The following IGSF21 variants were observed in gnomAD, a reference collection of about 807,000 sequenced individuals.
The protein encoded by IGSF21 is immunoglobin superfamily member 21.
IGSF21 carries 28 observed loss-of-function variants against 46.8 expected under a neutral mutation model. The observed-to-expected ratio is 0.60, with a 90% CI of 0.44 to 0.82. The LOEUF (loss-of-function observed/expected upper bound fraction) is 0.82. Among genes scored for constraint, IGSF21 ranks in the 40% least tolerant of loss-of-function variants. The pLI, the probability that IGSF21 is intolerant of heterozygous loss-of-function variation, is 0.00. For missense variants in IGSF21, 624 were observed against 665.5 expected, an observed-to-expected ratio of 0.94 and a Z score of 0.69; for synonymous variants, 284 against 273.6, an observed-to-expected ratio of 1.04 and a Z score of -0.38.
In IGSF21 at chr1:18,378,467, CAG is replaced by C. The variant is rs768729818; in HGVS notation, c.*143_*144del. On this transcript the variant is annotated 3_prime_UTR_variant, in exon 10 of 10. Coordinates refer to ENST00000251296, the MANE Select transcript of IGSF21 (RefSeq NM_032880.5). ...CTTCAGTCGGTTTAATTAAAACAAA[CAG>C]AACAATTTTCCCCACCTCGGTTTGT... 5 of 719,262 alleles carry C rather than the reference CAG, an allele frequency of 7.0e-6. No homozygotes were observed. The highest frequency in any genetic ancestry group is 1.1e-5 in the Non-Finnish European group (5 of 437,670). The allele number at this position is 719,262 out of a possible 1,614,324, so 44.6% of individuals were successfully genotyped here.
intron 2 of IGSF21, among the ~76,000 whole-genome samples, chr1:18,261,852 T>C (rs1408145640): frequency 6.6e-6 from 1 of 152,186 alleles, no homozygotes; most frequent in Admixed American, 6.5e-5. Context: ...ATCATGTATT[T>C]TGGAGGTGAC....
At chr1:18,311,178 C>T (rs1308381744) in intron 3 of IGSF21, among the ~76,000 whole-genome samples, 1 of 152,172 alleles carries the variant, frequency 6.6e-6, no homozygotes, top group Non-Finnish European at 1.5e-5. Context: ...ATGAGAGCCC[C>T]AGGTGCCCCA....
Position 18,359,383 on chromosome 1 carries a change from A to AAGG in IGSF21, c.425-2731_425-2730insGGA, listed in dbSNP as rs2086064838. Among the ~76,000 whole-genome samples, 130 of 61,076 alleles carry AAGG rather than the reference A, an allele frequency of 2.1e-3. 1 individual carries two copies. Among genetic ancestry groups the AAGG allele is most frequent in the Middle Eastern group, 7.9e-3 (1 of 126 alleles). 40.1% of individuals were successfully genotyped at this position (61,076 alleles called of 152,430 possible). A position where few individuals can be genotyped will look rare whatever the true frequency, so the allele number is the denominator to read the frequency against. ...GAAAGAAAGAAAGAAAGAAAGAAAG[A>AAGG]AAGGAAGGAAGGAAGGAAGGAAGGA... is the stretch of plus-strand genomic sequence containing the variant. On this transcript the variant is annotated intron_variant, in intron 4 of 9. Transcript: ENST00000251296.
At chr1:18,129,268 A>G (rs965451953) in intron 1 of IGSF21, among the ~76,000 whole-genome samples, 5 of 152,068 alleles carry the variant, frequency 3.3e-5, no homozygotes, top group Non-Finnish European at 7.4e-5. Flanking sequence ...GGGCACCAGG[A>G]TGGCAAATTT....
chr1:18,210,764 G>T (rs1373639217), intron 1 of IGSF21, among the ~76,000 whole-genome samples: 1 of 152,180 alleles, frequency 6.6e-6, no homozygotes, highest in African/African-American at 2.4e-5. Context: ...CCCTCCAGTT[G>T]TGATAGCAGA....
chr1:18,271,798 GT>G (rs2085045401), intron 2 of IGSF21, among the ~76,000 whole-genome samples: 1 of 152,194 alleles, frequency 6.6e-6, no homozygotes, highest in Non-Finnish European at 1.5e-5. Context: ...GCTGTGGAAG[GT>G]GTCAAGGAGA....
At chr1:18,118,820 C>A (rs1232671460) in intron 1 of IGSF21, among the ~76,000 whole-genome samples, 1 of 152,110 alleles carries the variant, frequency 6.6e-6, no homozygotes, top group Non-Finnish European at 1.5e-5. Flanking sequence ...CATTCCCAGG[C>A]CAGTCTGGCT....
chr1:18,275,471 G>A (rs910259335), intron 2 of IGSF21, among the ~76,000 whole-genome samples: 16 of 152,174 alleles, frequency 1.1e-4, no homozygotes, highest in Admixed American at 3.9e-4. Flanking sequence ...CACCGGGAGT[G>A]TCTTGGTGAT....
chr1:18,108,089 A>AC lies in IGSF21; in HGVS notation c.-35dup. ...GAGGGGACCCGCCGCCACCGCCTCC[A>AC]CCCCCGCCGCCCCGCCACCGCCGCC... On this transcript the variant is annotated 5_prime_UTR_variant, in exon 1 of 10. Coordinates refer to ENST00000251296, the MANE Select transcript of IGSF21 (RefSeq NM_032880.5). 9.7e-7 allele frequency: 1 copy of AC among 1,035,466 alleles called. No homozygotes were observed. Among genetic ancestry groups the AC allele is most frequent in the Admixed American group, 3.1e-5 (1 of 31,828 alleles). 64.1% of individuals were successfully genotyped at this position (1,035,466 alleles called of 1,614,324 possible). A position where few individuals can be genotyped will look rare whatever the true frequency, so the allele number is the denominator to read the frequency against.
chr1:18,164,648 G>C (rs1234165571), intron 1 of IGSF21, among the ~76,000 whole-genome samples: 1 of 151,976 alleles, frequency 6.6e-6, no homozygotes, highest in East Asian at 1.9e-4. Flanking sequence ...TTCATATATT[G>C]ATGGGCAATT....
At chr1:18,228,178 G>A (rs562997573) in intron 2 of IGSF21, among the ~76,000 whole-genome samples, 168 bp downstream of exon 2, 4 of 152,172 alleles carry the variant, frequency 2.6e-5, no homozygotes, top group South Asian at 4.1e-4. Context: ...CCCTCCTTGG[G>A]TACTAGCCAT....
chr1:18,252,751 A>G (rs1054231588), intron 2 of IGSF21, among the ~76,000 whole-genome samples: 1 of 152,178 alleles, frequency 6.6e-6, no homozygotes, highest in Non-Finnish European at 1.5e-5. Context: ...CTGAGAAACA[A>G]TATACGGGGG....
At chr1:18,215,846 A>G (rs147232887) in intron 1 of IGSF21, among the ~76,000 whole-genome samples, 1 of 152,174 alleles carries the variant, frequency 6.6e-6, no homozygotes, top group Non-Finnish European at 1.5e-5. Context: ...GCTACAGCAT[A>G]ATCCACATTG....
At chr1:18,108,824 C>T (rs2086115502) in intron 1 of IGSF21, among the ~76,000 whole-genome samples, 1 of 150,494 alleles carries the variant, frequency 6.6e-6, no homozygotes, top group East Asian at 2.0e-4. Flanking sequence ...GACTGTGACA[C>T]TGGACAAGAG....
chr1:18,214,795 G>A (rs1379660736), intron 1 of IGSF21, among the ~76,000 whole-genome samples: 4 of 152,196 alleles, frequency 2.6e-5, no homozygotes, highest in Non-Finnish European at 5.9e-5. Flanking sequence ...CCAGGCTGGA[G>A]TACAGTGGCG....
At chr1:18,219,621 A>C (rs949627924) in intron 1 of IGSF21, among the ~76,000 whole-genome samples, 3 of 152,194 alleles carry the variant, frequency 2.0e-5, no homozygotes, top group Non-Finnish European at 4.4e-5. Context: ...TGATGTGAGC[A>C]TGAGAAAAAG....
intron 2 of IGSF21, among the ~76,000 whole-genome samples, chr1:18,234,811 C>T (rs1457662310): frequency 1.3e-5 from 2 of 152,082 alleles, no homozygotes; most frequent in Non-Finnish European, 2.9e-5. Flanking sequence ...TGGGTGGGGG[C>T]ACAGCCAAAC....
intron 1 of IGSF21, among the ~76,000 whole-genome samples, chr1:18,223,397 T>C (rs1292344592): frequency 1.3e-5 from 2 of 152,162 alleles, no homozygotes; most frequent in Non-Finnish European, 2.9e-5. Context: ...AAGTAGTATG[T>C]TCTGCTCCAG....
intron 2 of IGSF21, among the ~76,000 whole-genome samples, chr1:18,247,004 G>T (rs558922875): frequency 6.6e-6 from 1 of 151,886 alleles, no homozygotes; most frequent in Non-Finnish European, 1.5e-5. Flanking sequence ...AAACTGAGGC[G>T]CAGAGACGTG....
Sources: allele counts gnomAD v4.1 joint callset (sites outside exome capture counted in the v4.1 genomes callset), GRCh38; gene constraint gnomAD v4.1.1; transcripts MANE v1.5; gene names NCBI Gene and HGNC (gene_info 2026-07-23, HGNC 2026-07-21).